Variants in SMCHD1 observed in about 807,000 individuals in gnomAD.
SMCHD1 encodes the protein structural maintenance of chromosomes flexible hinge domain-containing protein 1.
Under a neutral mutation model 254.7 loss-of-function variants are expected in SMCHD1, and 78 were observed. The observed-to-expected ratio is 0.31, with a 90% CI of 0.26 to 0.37. The LOEUF is 0.37. Ranked by LOEUF, SMCHD1 falls within the 10% of genes least tolerant of loss-of-function variation. The pLI, the probability that SMCHD1 is intolerant of heterozygous loss-of-function variation, is 1.00. For synonymous variants in SMCHD1, 766 were observed against 794.9 expected (o/e 0.96, Z 0.61); for missense variants, 1,840 against 2,408.1 (o/e 0.76, Z 4.94).
At chr18:2,790,145 G>A (rs889994651) in intron 45 of SMCHD1, among the ~76,000 whole-genome samples, 1 of 152,198 alleles carries the variant, frequency 6.6e-6, no homozygotes, top group Non-Finnish European at 1.5e-5. Flanking sequence ...TCGCGCCACT[G>A]CACTCCAGCC....
intron 23 of SMCHD1, 77 bp downstream of exon 23, chr18:2,728,673 A>T (rs1399847600): frequency 7.1e-7 from 1 of 1,412,996 alleles, no homozygotes; most frequent in Non-Finnish European, 9.6e-7. Context: ...CTTAATAGTA[A>T]GTCTTACACA....
intron 3 of SMCHD1, among the ~76,000 whole-genome samples, chr18:2,668,745 C>T (rs1362076474): frequency 6.6e-6 from 1 of 152,128 alleles, no homozygotes; most frequent in Non-Finnish European, 1.5e-5. Flanking sequence ...ACGTTTTCGC[C>T]TACCACTCTA....
chr18:2,656,112 T>A lies in SMCHD1; in HGVS notation c.37T>A (p.Ser13Thr). 6.9e-7 allele frequency: 1 copy of A among 1,446,860 alleles called. No individual in the cohort carries two copies. The highest frequency in any genetic ancestry group is 9.1e-7 in the Non-Finnish European group (1 of 1,099,216). The allele number at this position is 1,446,860 out of a possible 1,614,324, so 89.6% of individuals were successfully genotyped here. The change falls in exon 1 of 48, where the codon TCT (serine) becomes ACT (threonine). Residue 13 changes from serine to threonine, a missense_variant. By Grantham distance (58) the Ser-to-Thr change is moderately conservative. Transcript: ENST00000320876. ...GGACGGCGGCGGGCCTGGTGGGGCC[T>A]CTGTGGGGACTGAGGAGGATGGCGG... ...AADGGGPGGA[S>T]VGTEEDGGGV... is the part of the protein sequence containing the mutation.
At position 2,733,731 on chromosome 18, in the gene SMCHD1, G is replaced by A. The variant is rs184820389; in HGVS notation, c.3276+1239G>A. Reference sequence around the variant, plus strand: ...ACAAATTTGCATTTTCAAAGTAAACGTAATTGTACTGGAACAAATTTACAT... The same window carrying A: ...ACAAATTTGCATTTTCAAAGTAAACATAATTGTACTGGAACAAATTTACAT... On this transcript the variant is annotated intron_variant, in intron 25 of 47. Coordinates refer to ENST00000320876, the MANE Select transcript of SMCHD1 (RefSeq NM_015295.3). 3.9e-5 allele frequency among the ~76,000 whole-genome samples: 6 copies of A among 152,272 alleles called. No homozygotes were observed. The East Asian group carries it at 7.7e-4, about 20-fold the overall frequency.
chr18:2,734,393 T>A (rs189084779), intron 25 of SMCHD1, among the ~76,000 whole-genome samples: 5 of 152,318 alleles, frequency 3.3e-5, no homozygotes, highest in Admixed American at 2.0e-4. Flanking sequence ...TGCCTGCATT[T>A]GACACATTTT....
In SMCHD1 at chr18:2,750,356, G is replaced by C. The variant is rs538153584; in HGVS notation, c.4014G>C (p.Glu1338Asp). 6.2e-7 allele frequency: 1 copy of C among 1,610,306 alleles called. No homozygotes were observed. Among genetic ancestry groups the C allele is most frequent in the African/African-American group, 1.3e-5 (1 of 74,832 alleles). Reference sequence around the variant, plus strand: ...TCCTCTTTTGTTTTGTTAGGGGAGAGCATACTCTTCAGGTTAAAGCCATCT... The same window carrying C: ...TCCTCTTTTGTTTTGTTAGGGGAGACCATACTCTTCAGGTTAAAGCCATCT... Reference protein sequence around the residue: ...GVFSVFAPRGEHTLQVKAIYN... With the variant: ...GVFSVFAPRGDHTLQVKAIYN... The change falls in exon 32 of 48, where the codon GAG (glutamate) becomes GAC (aspartate). Residue 1338 changes from glutamate (E) to aspartate (D), a missense_variant. By Grantham distance (45) the Glu-to-Asp change is conservative (BLOSUM62 2). This residue lies in a region of SMCHD1 where 881 missense variants were observed against 1,009.5 expected (regional missense o/e 0.87). Transcript: ENST00000320876.
chr18:2,793,186 A>G (rs993007874), intron 45 of SMCHD1, among the ~76,000 whole-genome samples: 3 of 152,198 alleles, frequency 2.0e-5, no homozygotes, highest in South Asian at 2.1e-4. Context: ...TCAGACTTCT[A>G]TTAACTCATG....
chr18:2,784,947 T>TAAAA, intron 45 of SMCHD1: 1 of 325,842 alleles, frequency 3.1e-6, no homozygotes, highest in Non-Finnish European at 6.0e-6. Flanking sequence ...CTCCATCTCT[T>TAAAA]AAAAAAAAAA....
At chr18:2,712,525 A>G (rs2074703812) in intron 17 of SMCHD1, among the ~76,000 whole-genome samples, 1 of 152,224 alleles carries the variant, frequency 6.6e-6, no homozygotes, top group Non-Finnish European at 1.5e-5. Context: ...TGAAACCCAC[A>G]TAAACAGAGG....
At chr18:2,730,431 A>G (rs2075115517) in intron 24 of SMCHD1, among the ~76,000 whole-genome samples, 1 of 152,112 alleles carries the variant, frequency 6.6e-6, no homozygotes, top group Non-Finnish European at 1.5e-5. Context: ...CGGCCTCCCA[A>G]AGTGCTGGGA....
chr18:2,753,696 C>T (rs8098592), intron 34 of SMCHD1, among the ~76,000 whole-genome samples: 30,942 of 152,022 alleles, frequency 0.2, 3,386 homozygotes, highest in South Asian at 0.33. Flanking sequence ...AATGTGCTGC[C>T]ATGCCCAGCA....
intron 25 of SMCHD1, among the ~76,000 whole-genome samples, chr18:2,735,646 A>G (rs1053716939): frequency 1.3e-5 from 2 of 152,230 alleles, no homozygotes; most frequent in African/African-American, 4.8e-5. Context: ...GCTGAAAGCC[A>G]AATCAGTAAC....
intron 20 of SMCHD1, among the ~76,000 whole-genome samples, chr18:2,722,942 G>A (rs540895842): frequency 6.9e-6 from 1 of 145,086 alleles, no homozygotes; most frequent in South Asian, 2.3e-4. Context: ...ATGATATAAT[G>A]TCTCTTAACA....
At chr18:2,796,575 G>A in intron 47 of SMCHD1, 54 bp downstream of exon 47, 1 of 1,174,336 alleles carries the variant, frequency 8.5e-7, no homozygotes, top group Non-Finnish European at 1.2e-6. Context: ...AAGTTCTTGG[G>A]TCTCATGATA....
chr18:2,708,347 A>G (rs957671734), intron 17 of SMCHD1, among the ~76,000 whole-genome samples: 29 of 152,048 alleles, frequency 1.9e-4, no homozygotes, highest in African/African-American at 7.0e-4. Flanking sequence ...GTTCTGGGTG[A>G]GCCTTGCCTT....
At chr18:2,697,419 AG>A (rs2074308155) in intron 9 of SMCHD1, among the ~76,000 whole-genome samples, 1 of 152,234 alleles carries the variant, frequency 6.6e-6, no homozygotes, top group Non-Finnish European at 1.5e-5. Context: ...GAGATAATGT[AG>A]CTTTCCTTTT....
At chr18:2,678,983 G>A (rs2073853623) in intron 5 of SMCHD1, among the ~76,000 whole-genome samples, 1 of 151,120 alleles carries the variant, frequency 6.6e-6, no homozygotes. Flanking sequence ...AAGTAGCTGG[G>A]ATTACAGGCA....
In SMCHD1 at chr18:2,750,136, G is replaced by A. The variant is rs757029732; in HGVS notation, c.4007+14G>A. The A allele has an allele frequency of 3.2e-6, 5 of 1,569,100 alleles. No individual in the cohort carries two copies. In the East Asian group the frequency reaches 6.9e-5, roughly 22 times the overall value. ...TTTTGCCCCTAGGTAAGAACCAAAA[G>A]TTTGATAGTTGTTGGTGTTATAGAG... On this transcript the variant is annotated intron_variant, in intron 31 of 47. Coordinates refer to ENST00000320876, the MANE Select transcript of SMCHD1 (RefSeq NM_015295.3).
chr18:2,713,641 C>T (rs1378481480), intron 17 of SMCHD1, among the ~76,000 whole-genome samples: 1 of 152,128 alleles, frequency 6.6e-6, no homozygotes, highest in African/African-American at 2.4e-5. Context: ...GCTGAGATTG[C>T]ACCACTGCAC....
Sources: gnomAD v4.1 joint callset for allele counts (sites outside exome capture counted in the v4.1 genomes callset) on GRCh38, gnomAD v4.1.1 for gene constraint, gnomAD v4.1.1 regional missense constraint, MANE v1.5 for transcripts, NCBI Gene and HGNC (gene_info 2026-07-23, HGNC 2026-07-21) for gene names.